The following DEPDC1B variants were observed in gnomAD, a reference collection of about 807,000 sequenced individuals.
DEPDC1B encodes DEP domain containing 1B, also known as DEP domain-containing protein 1B.
Under a neutral mutation model 66.5 loss-of-function variants are expected in DEPDC1B, and 51 were observed. That is an observed-to-expected ratio of 0.77 (90% confidence interval 0.61 to 0.97). The LOEUF (loss-of-function observed/expected upper bound fraction) is 0.97. DEPDC1B is among the 50% of genes least tolerant of loss of function. The pLI is 0.00. For missense variants in DEPDC1B, 552 were observed against 637.1 expected, an observed-to-expected ratio of 0.87 and a Z score of 1.44; for synonymous variants, 226 against 223.6, an observed-to-expected ratio of 1.01 and a Z score of -0.10.
At chr5:60,650,476 T>C (rs912043791) in intron 2 of DEPDC1B, among the ~76,000 whole-genome samples, 3 of 152,158 alleles carry the variant, frequency 2.0e-5, no homozygotes, top group Non-Finnish European at 4.4e-5. Flanking sequence ...TGGATGTTAG[T>C]AGCACCCTAC....
intron 1 of DEPDC1B, among the ~76,000 whole-genome samples, chr5:60,698,932 T>A (rs924630994): frequency 6.6e-6 from 1 of 152,184 alleles, no homozygotes; most frequent in African/African-American, 2.4e-5. Flanking sequence ...ATGTAAAATT[T>A]CATGAGTATG....
At chr5:60,627,549 C>T (rs984205219) in intron 7 of DEPDC1B, among the ~76,000 whole-genome samples, 2 of 151,990 alleles carry the variant, frequency 1.3e-5, no homozygotes, top group African/African-American at 4.8e-5. Flanking sequence ...TTTCTACAAT[C>T]TCAACATCAT....
chr5:60,637,716 T>C (rs1753075647), intron 7 of DEPDC1B, among the ~76,000 whole-genome samples: 1 of 152,192 alleles, frequency 6.6e-6, no homozygotes, highest in Non-Finnish European at 1.5e-5. Context: ...AACCCAGTAA[T>C]AGGCCTACTC....
At chr5:60,668,172 AAATGGATATTTTATATATATAT>A (rs1561384990) in intron 2 of DEPDC1B, among the ~76,000 whole-genome samples, 500 of 17,826 alleles carry the variant, frequency 0.028, 52 homozygotes, top group Middle Eastern at 0.042. Flanking sequence ...TATATATATA[AAATGGATATTTTATATATATAT>A]AAAATGGATA....
intron 7 of DEPDC1B, among the ~76,000 whole-genome samples, chr5:60,609,472 T>C (rs562671352): frequency 6.6e-6 from 1 of 152,318 alleles, no homozygotes; most frequent in Admixed American, 6.5e-5. Flanking sequence ...TCAGTATCTT[T>C]AATGGAAGCA....
At chr5:60,612,421 TAAAA>T (rs564965370) in intron 7 of DEPDC1B, among the ~76,000 whole-genome samples, 4 of 97,300 alleles carry the variant, frequency 4.1e-5, no homozygotes, top group Admixed American at 1.2e-4. Flanking sequence ...AGACTCCACC[TAAAA>T]AAAAAAAAAA....
intron 7 of DEPDC1B, among the ~76,000 whole-genome samples, chr5:60,617,066 C>A (rs113280074): frequency 1.6e-4 from 25 of 152,134 alleles, no homozygotes; most frequent in Middle Eastern, 3.4e-3. Flanking sequence ...GAAATAAAAT[C>A]CTTTACAGAC....
chr5:60,662,458 C>T (rs1419601384), intron 2 of DEPDC1B, among the ~76,000 whole-genome samples: 1 of 151,924 alleles, frequency 6.6e-6, no homozygotes, highest in East Asian at 1.9e-4. Flanking sequence ...AACTTGGCAA[C>T]CTCGGTTTTT....
chr5:60,617,927 T>C (rs1752600038), intron 7 of DEPDC1B, among the ~76,000 whole-genome samples: 1 of 152,192 alleles, frequency 6.6e-6, no homozygotes, highest in Admixed American at 6.5e-5. Flanking sequence ...ACAGAAATTA[T>C]GACAGACTGT....
chr5:60,672,061 C>G (rs185850941), intron 2 of DEPDC1B, among the ~76,000 whole-genome samples: 1 of 152,342 alleles, frequency 6.6e-6, no homozygotes, highest in Admixed American at 6.5e-5. Flanking sequence ...GCAATTCTGA[C>G]AGAGGTTATA....
chr5:60,600,576 G>T (rs1752182206), intron 9 of DEPDC1B, among the ~76,000 whole-genome samples: 1 of 152,166 alleles, frequency 6.6e-6, no homozygotes. Flanking sequence ...AGGTTCTGAG[G>T]GCTGAATGGA....
intron 7 of DEPDC1B, among the ~76,000 whole-genome samples, chr5:60,610,703 C>A (rs1275134023): frequency 6.6e-6 from 1 of 152,172 alleles, no homozygotes; most frequent in Non-Finnish European, 1.5e-5. Context: ...GTAAAATTCA[C>A]CATGTGTAAT....
intron 7 of DEPDC1B, among the ~76,000 whole-genome samples, chr5:60,634,318 A>G (rs1752991069): frequency 6.6e-6 from 1 of 152,224 alleles, no homozygotes. Context: ...CCACTTGCTG[A>G]CCATACATTA....
intron 7 of DEPDC1B, among the ~76,000 whole-genome samples, chr5:60,618,327 C>CA (rs541933812): frequency 0.013 from 1,908 of 152,046 alleles, 15 homozygotes; most frequent in Non-Finnish European, 0.021. Context: ...AAAAACCCTT[C>CA]AAAAAATCAA....
chr5:60,636,710 T>G (rs1032034399), intron 7 of DEPDC1B, among the ~76,000 whole-genome samples: 3 of 152,176 alleles, frequency 2.0e-5, no homozygotes, highest in Non-Finnish European at 4.4e-5. Flanking sequence ...TGAAAGGATC[T>G]AAGAAAATAG....
intron 2 of DEPDC1B, among the ~76,000 whole-genome samples, chr5:60,664,976 C>T (rs765766809): frequency 2.0e-5 from 3 of 152,056 alleles, no homozygotes; most frequent in Admixed American, 6.5e-5. Context: ...CTTACACTGC[C>T]GGGGTCATCA....
chr5:60,686,216 A>C (rs984529357), intron 2 of DEPDC1B, among the ~76,000 whole-genome samples: 1 of 152,222 alleles, frequency 6.6e-6, no homozygotes, highest in Non-Finnish European at 1.5e-5. Flanking sequence ...GAAAGCACGT[A>C]ATAAGGGTCC....
rs1754730325 is a variant in DEPDC1B at position 60,699,450 on chromosome 5, A to AAAAAAC, written c.48+595_48+596insGTTTTT. Among the ~76,000 whole-genome samples the AAAAAAC allele has an allele frequency of 2.7e-5, 4 of 150,662 alleles. No homozygotes were observed. In the South Asian group the frequency reaches 6.2e-4, roughly 23 times the overall value. On this transcript the variant is annotated intron_variant, in intron 1 of 10. Transcript: ENST00000265036. ...ACCAAAGCTTTTCTCCCAGAAAAAA[A>AAAAAAC]AAAAAAAAAAAACAGGAACTCAGAG...
At chr5:60,603,162 T>TA (rs1026234214) in intron 9 of DEPDC1B, among the ~76,000 whole-genome samples, 3 of 152,084 alleles carry the variant, frequency 2.0e-5, no homozygotes, top group Non-Finnish European at 4.4e-5. Context: ...GAATTAGCAA[T>TA]AAAAAATATG....
Sources: allele counts gnomAD v4.1 joint callset (sites outside exome capture counted in the v4.1 genomes callset), GRCh38; gene constraint gnomAD v4.1.1; transcripts MANE v1.5; gene names NCBI Gene and HGNC (gene_info 2026-07-23, HGNC 2026-07-21).